The following TBC1D8 variants were observed in gnomAD, a reference collection of about 807,000 sequenced individuals.
TBC1D8 encodes BUB2-like protein 1.
A neutral mutation model predicts 118.8 loss-of-function variants in TBC1D8; 65 were observed. The ratio of observed to expected loss-of-function variants is 0.55; its 90% CI spans 0.45 to 0.67. The LOEUF is 0.67. TBC1D8 is among the 30% of genes least tolerant of loss of function. The pLI is 0.00. For missense variants in TBC1D8, 1,376 were observed against 1,471.2 expected, an observed-to-expected ratio of 0.94 and a Z score of 1.06; for synonymous variants, 566 against 595.8, an observed-to-expected ratio of 0.95 and a Z score of 0.73.
intron 12 of TBC1D8, among the ~76,000 whole-genome samples, chr2:101,029,249 C>A (rs1427066924): frequency 6.6e-6 from 1 of 152,136 alleles, no homozygotes; most frequent in Non-Finnish European, 1.5e-5. Flanking sequence ...ATTAGCCGAG[C>A]ATGGTGGTGG....
rs557113128 is a variant in TBC1D8 at position 101,143,909 on chromosome 2, T to C, written c.127+7218A>G. On this transcript the variant is annotated intron_variant, in intron 1 of 19. Coordinates refer to ENST00000409318, the MANE Select transcript of TBC1D8 (RefSeq NM_001330348.2). Reference sequence around the variant, plus strand: ...GGCTGGTTCAGCCACAAACTACTGCTAGTCCTTACAGCACACAGTGCTGGT... The same window carrying C: ...GGCTGGTTCAGCCACAAACTACTGCCAGTCCTTACAGCACACAGTGCTGGT... 2.4e-4 allele frequency among the ~76,000 whole-genome samples: 36 copies of C among 152,360 alleles called. 1 individual carries two copies. Among genetic ancestry groups the C allele is most frequent in the African/African-American group, 8.7e-4 (36 of 41,598 alleles).
chr2:101,055,703 A>G (rs897129883), intron 3 of TBC1D8, among the ~76,000 whole-genome samples: 3 of 152,198 alleles, frequency 2.0e-5, no homozygotes, highest in African/African-American at 7.2e-5. Context: ...TGCTAACATC[A>G]GAAATCTGAT....
intron 1 of TBC1D8, among the ~76,000 whole-genome samples, chr2:101,149,768 CG>C (rs1679471356): frequency 6.6e-6 from 1 of 152,194 alleles, no homozygotes; most frequent in African/African-American, 2.4e-5. Context: ...GGGTGCGTCA[CG>C]GGGCCCAACA....
At chr2:101,106,952 G>T (rs542466234) in intron 1 of TBC1D8, among the ~76,000 whole-genome samples, 12 of 152,182 alleles carry the variant, frequency 7.9e-5, no homozygotes, top group Non-Finnish European at 1.3e-4. Flanking sequence ...GTTTAAGGTG[G>T]GTGAGGCTAA....
chr2:101,032,304 G>T lies in TBC1D8; in HGVS notation c.1900C>A (p.Arg634=). ...TGGTTGAAGTAATCGGGCAGCATCC[G>T]CTCACACACAGCAACCAACAGCCAG... ...AFWLLVAVCE[R]MLPDYFNHRV... Residue 634 remains arginine, a synonymous_variant, in exon 11 of 20, where the codon CGG becomes AGG. Coordinates refer to ENST00000409318, the MANE Select transcript of TBC1D8 (RefSeq NM_001330348.2). 1 of 1,613,802 alleles carries T rather than the reference G, an allele frequency of 6.2e-7. No individual in the cohort carries two copies. Among genetic ancestry groups the T allele is most frequent in the Non-Finnish European group, 8.5e-7 (1 of 1,179,798 alleles).
At chr2:101,107,520 G>A (rs1354512550) in intron 1 of TBC1D8, among the ~76,000 whole-genome samples, 1 of 152,018 alleles carries the variant, frequency 6.6e-6, no homozygotes. Context: ...GTTGCATGAA[G>A]AAATATTTAT....
intron 2 of TBC1D8, among the ~76,000 whole-genome samples, chr2:101,060,309 G>A (rs968155511): frequency 6.6e-6 from 1 of 152,174 alleles, no homozygotes; most frequent in Non-Finnish European, 1.5e-5. Context: ...GTCCACGGAG[G>A]AATGAGCCTC....
At chr2:101,120,465 G>A (rs900631137) in intron 1 of TBC1D8, among the ~76,000 whole-genome samples, 4 of 152,172 alleles carry the variant, frequency 2.6e-5, no homozygotes, top group African/African-American at 9.7e-5. Flanking sequence ...TCACCTGTGT[G>A]GCCAAGGGTA....
intron 1 of TBC1D8, among the ~76,000 whole-genome samples, chr2:101,121,485 G>A (rs2104234041): frequency 6.6e-6 from 1 of 152,352 alleles, no homozygotes; most frequent in East Asian, 1.9e-4. Flanking sequence ...CCCAGATTCA[G>A]TGTCTGGTGA....
chr2:101,013,670 A>G (rs1365127459), intron 17 of TBC1D8, among the ~76,000 whole-genome samples: 6 of 152,138 alleles, frequency 3.9e-5, no homozygotes, highest in African/African-American at 2.4e-5. Flanking sequence ...CATGGTTTCT[A>G]TTTTCTATAT....
intron 9 of TBC1D8, among the ~76,000 whole-genome samples, chr2:101,035,523 G>A (rs1680953598): frequency 6.6e-6 from 1 of 152,168 alleles, no homozygotes; most frequent in Non-Finnish European, 1.5e-5. Flanking sequence ...CAGAAAAGAG[G>A]AAACGGAACA....
At chr2:101,149,471 T>C (rs1360149159) in intron 1 of TBC1D8, among the ~76,000 whole-genome samples, 3 of 152,182 alleles carry the variant, frequency 2.0e-5, no homozygotes, top group African/African-American at 7.2e-5. Context: ...CTCGGGCCTC[T>C]TTCCAGAGCA....
chr2:101,136,380 G>A (rs1181270215), intron 1 of TBC1D8, among the ~76,000 whole-genome samples: 1 of 152,306 alleles, frequency 6.6e-6, no homozygotes, highest in East Asian at 1.9e-4. Context: ...TCCATCATGA[G>A]TGGAAGCTTC....
chr2:101,085,578 G>A (rs1451624872), intron 2 of TBC1D8, among the ~76,000 whole-genome samples: 5 of 152,158 alleles, frequency 3.3e-5, no homozygotes, highest in African/African-American at 1.2e-4. Context: ...GCCCAAGCAT[G>A]AGCAAGACAA....
chr2:101,103,477 C>T (rs546905138), intron 1 of TBC1D8, among the ~76,000 whole-genome samples: 9 of 151,548 alleles, frequency 5.9e-5, no homozygotes, highest in African/African-American at 1.5e-4. Context: ...CTGCAAGCTC[C>T]GCCTCCCAGG....
chr2:101,071,454 T>G (rs532031911), intron 2 of TBC1D8, among the ~76,000 whole-genome samples: 94 of 152,380 alleles, frequency 6.2e-4, no homozygotes, highest in Non-Finnish European at 1.2e-3. Flanking sequence ...GATCATTCTT[T>G]AGTTAATTGT....
intron 16 of TBC1D8, among the ~76,000 whole-genome samples, chr2:101,022,038 T>G (rs1335243557): frequency 2.0e-5 from 3 of 152,196 alleles, no homozygotes; most frequent in Admixed American, 2.0e-4. Context: ...ACATCGTGGA[T>G]GCCAAGGAAA....
chr2:101,082,146 G>A (rs989547619), intron 2 of TBC1D8, among the ~76,000 whole-genome samples: 17 of 152,058 alleles, frequency 1.1e-4, no homozygotes, highest in Non-Finnish European at 2.4e-4. Flanking sequence ...CTCAAAAAAC[G>A]AAAAAGAATA....
At chr2:101,074,540 G>A (rs76947149) in intron 2 of TBC1D8, among the ~76,000 whole-genome samples, 69 of 152,290 alleles carry the variant, frequency 4.5e-4, no homozygotes, top group Non-Finnish European at 8.8e-4. Flanking sequence ...GTACAATAAC[G>A]TGAAACACAA....
Sources: gnomAD v4.1 joint callset for allele counts (sites outside exome capture counted in the v4.1 genomes callset) on GRCh38, gnomAD v4.1.1 for gene constraint, MANE v1.5 for transcripts, NCBI Gene and HGNC (gene_info 2026-07-23, HGNC 2026-07-21) for gene names.